R3HDM2: variants seen among roughly 807,000 people sequenced by gnomAD.
R3HDM2 encodes the protein R3H domain containing 2, also known as R3H domain-containing protein 2.
Under a neutral mutation model 124.5 loss-of-function variants are expected in R3HDM2, and 38 were observed. The ratio of observed to expected loss-of-function variants is 0.31; its 90% CI spans 0.24 to 0.40. The LOEUF (loss-of-function observed/expected upper bound fraction) is 0.40. Among genes scored for constraint, R3HDM2 ranks in the 10% least tolerant of loss-of-function variants. The pLI is 1.00. For synonymous variants in R3HDM2, 391 were observed against 448.0 expected, an observed-to-expected ratio of 0.87 and a Z score of 1.61; for missense variants, 869 against 1,236.9, an observed-to-expected ratio of 0.70 and a Z score of 4.46.
chr12:57,393,769 T>G (rs940564378), intron 2 of R3HDM2, among the ~76,000 whole-genome samples: 3 of 152,068 alleles, frequency 2.0e-5, no homozygotes, highest in African/African-American at 7.2e-5. Flanking sequence ...AGGCATACAA[T>G]CAAACTCTTA....
At chr12:57,375,426 C>A (rs2063916415) in intron 2 of R3HDM2, among the ~76,000 whole-genome samples, 1 of 152,132 alleles carries the variant, frequency 6.6e-6, no homozygotes. Context: ...AGATGAATAT[C>A]AGATGAATAT....
chr12:57,427,479 AGCTGGGACTACAG>A (rs1279013063), intron 1 of R3HDM2, among the ~76,000 whole-genome samples: 2 of 150,260 alleles, frequency 1.3e-5, no homozygotes, highest in Non-Finnish European at 3.0e-5. Context: ...CCTCCCAAGT[AGCTGGGACTACAG>A]GCGTGTACCA....
chr12:57,394,333 C>T (rs535362636), intron 2 of R3HDM2, among the ~76,000 whole-genome samples: 3 of 151,106 alleles, frequency 2.0e-5, no homozygotes, highest in South Asian at 2.1e-4. Flanking sequence ...ACAGCGGGCA[C>T]GGTGGTGGCT....
intron 2 of R3HDM2, among the ~76,000 whole-genome samples, chr12:57,338,134 T>G (rs552351503): frequency 6.6e-6 from 1 of 152,068 alleles, no homozygotes; most frequent in Non-Finnish European, 1.5e-5. Flanking sequence ...AGAAACCCTG[T>G]CTCTACTAAA....
chr12:57,348,305 A>T (rs902132053), intron 2 of R3HDM2, among the ~76,000 whole-genome samples: 1 of 151,068 alleles, frequency 6.6e-6, no homozygotes, highest in South Asian at 2.1e-4. Context: ...GGTGGCTCAC[A>T]CCTGTAATCC....
intron 2 of R3HDM2, among the ~76,000 whole-genome samples, chr12:57,346,237 A>G (rs1181943953): frequency 6.6e-6 from 1 of 151,732 alleles, no homozygotes; most frequent in African/African-American, 2.4e-5. Flanking sequence ...CGAGTGGATC[A>G]CCTGAGGCTA....
chr12:57,286,648 GA>G (rs2138161927), intron 12 of R3HDM2, among the ~76,000 whole-genome samples: 1 of 152,260 alleles, frequency 6.6e-6, no homozygotes, highest in East Asian at 1.9e-4. Flanking sequence ...TTGGGAGGCT[GA>G]GGTGGGTGGA....
intron 2 of R3HDM2, among the ~76,000 whole-genome samples, chr12:57,314,574 A>G (rs2054639480): frequency 6.6e-6 from 1 of 152,226 alleles, no homozygotes; most frequent in South Asian, 2.1e-4. Flanking sequence ...CCCAAAGAAG[A>G]ACTCATTTTT....
At chr12:57,363,243 G>T (rs1051988035) in intron 2 of R3HDM2, among the ~76,000 whole-genome samples, 9 of 151,946 alleles carry the variant, frequency 5.9e-5, no homozygotes, top group African/African-American at 2.2e-4. Context: ...GTTTTTAAAA[G>T]GCCTTATTTC....
intron 3 of R3HDM2, among the ~76,000 whole-genome samples, chr12:57,303,946 G>C (rs1311975210): frequency 6.6e-6 from 1 of 152,190 alleles, no homozygotes; most frequent in Non-Finnish European, 1.5e-5. Flanking sequence ...GCATGAAAGA[G>C]TGTTTTTTTC....
chr12:57,358,216 A>G (rs535861045), intron 2 of R3HDM2, among the ~76,000 whole-genome samples: 172 of 152,024 alleles, frequency 1.1e-3, no homozygotes, highest in African/African-American at 4.1e-3. Flanking sequence ...TTAACTCCCA[A>G]TCTCAAGTGA....
At chr12:57,342,548 C>T (rs2059679726) in intron 2 of R3HDM2, among the ~76,000 whole-genome samples, 1 of 152,140 alleles carries the variant, frequency 6.6e-6, no homozygotes, top group Non-Finnish European at 1.5e-5. Context: ...CCCACCTCCT[C>T]TTCTCGCTCT....
chr12:57,310,116 T>G, intron 3 of R3HDM2, 148 bp downstream of exon 3: 2 of 510,240 alleles, frequency 3.9e-6, no homozygotes, highest in Non-Finnish European at 3.3e-6. Context: ...GAGGCTGACG[T>G]GGGAGGATCT....
chr12:57,330,667 A>C (rs1011550341), intron 2 of R3HDM2, among the ~76,000 whole-genome samples: 13 of 110,916 alleles, frequency 1.2e-4, no homozygotes, highest in African/African-American at 4.5e-4. Flanking sequence ...TTCTAAAGTG[A>C]TTTTTTGTGG....
chr12:57,342,471 C>T (rs2059664289), intron 2 of R3HDM2, among the ~76,000 whole-genome samples: 1 of 142,720 alleles, frequency 7.0e-6, no homozygotes, highest in African/African-American at 2.5e-5. Context: ...CATACACTCA[C>T]AGACACAGAC....
At chr12:57,417,201 T>C (rs1305910137) in intron 1 of R3HDM2, among the ~76,000 whole-genome samples, 1 of 150,908 alleles carries the variant, frequency 6.6e-6, no homozygotes, top group Admixed American at 6.6e-5. Flanking sequence ...GTCAAGAGTT[T>C]GAGACCAGCC....
chr12:57,397,242 C>T (rs192066796), intron 1 of R3HDM2, among the ~76,000 whole-genome samples: 1 of 152,240 alleles, frequency 6.6e-6, no homozygotes, highest in East Asian at 1.9e-4. Flanking sequence ...AGTATCTCTT[C>T]ACCCTAAAAG....
At chr12:57,278,367 C>T (rs551722384) in intron 14 of R3HDM2, among the ~76,000 whole-genome samples, 3 of 152,218 alleles carry the variant, frequency 2.0e-5, no homozygotes, top group Non-Finnish European at 4.4e-5. Context: ...TCTTTTATCT[C>T]TTTATTCCTC....
Position 57,280,549 on chromosome 12 carries a change from C to A in R3HDM2, c.1172-19G>T. 5 of 1,572,092 alleles carry A rather than the reference C, an allele frequency of 3.2e-6. No individual in the cohort carries two copies. The highest frequency in any genetic ancestry group is 4.3e-6 in the Non-Finnish European group (5 of 1,158,272). On this transcript the variant is annotated intron_variant, in intron 13 of 23. Coordinates refer to ENST00000402412, the MANE Select transcript of R3HDM2 (RefSeq NM_001394031.1). ...GCCATACCTAAGGCAAAGAAGAAACCCACAAAAAGTTGTAAGCATAAGCCA... is the reference window on the plus strand; with the variant it reads ...GCCATACCTAAGGCAAAGAAGAAACACACAAAAAGTTGTAAGCATAAGCCA...
Sources: allele counts gnomAD v4.1 joint callset (sites outside exome capture counted in the v4.1 genomes callset), GRCh38; gene constraint gnomAD v4.1.1; transcripts MANE v1.5; gene names NCBI Gene and HGNC (gene_info 2026-07-23, HGNC 2026-07-21).